ACTR10: variants seen among roughly 807,000 people sequenced by gnomAD.
ACTR10 encodes actin related protein 10, also known as actin-related protein 10.
A neutral mutation model predicts 56.2 loss-of-function variants in ACTR10; 43 were observed. The ratio of observed to expected loss-of-function variants is 0.77; its 90% confidence interval spans 0.60 to 0.99. ACTR10 has a LOEUF of 0.99. Among genes scored for constraint, ACTR10 ranks in the 50% least tolerant of loss-of-function variants. The pLI, the probability that ACTR10 is intolerant of heterozygous loss-of-function variation, is 0.00. For synonymous variants in ACTR10, 170 were observed against 176.3 expected, an observed-to-expected ratio of 0.96 and a Z score of 0.28; for missense variants, 466 against 507.8, an observed-to-expected ratio of 0.92 and a Z score of 0.79.
intron 1 of ACTR10, among the ~76,000 whole-genome samples, chr14:58,202,280 T>A (rs769653241): frequency 2.6e-5 from 4 of 151,846 alleles, no homozygotes; most frequent in Non-Finnish European, 5.9e-5. Flanking sequence ...CTGCTAAAAT[T>A]AACAACTAGG....
intron 10 of ACTR10, among the ~76,000 whole-genome samples, chr14:58,229,605 G>A (rs578189237): frequency 3.9e-4 from 59 of 151,092 alleles, no homozygotes; most frequent in Non-Finnish European, 7.5e-4. Flanking sequence ...GTGAATCCAG[G>A]AGGCGGAGCT....
Position 58,213,634 on chromosome 14 carries a change from T to G in ACTR10, c.454T>G (p.Tyr152Asp). 1 of 1,608,912 alleles carries G rather than the reference T, an allele frequency of 6.2e-7. No individual in the cohort carries two copies. The highest frequency in any genetic ancestry group is 1.3e-5 in the African/African-American group (1 of 74,918). The stretch of plus-strand genomic sequence containing the variant: ...AGTATCCTTGACTACTCTATAGATA[T>G]ATGAAGGAATCCCAGTTCTAAATTG... ...GYRESLVLPI[Y>D]EGIPVLNCWG... Residue 152 changes from tyrosine (Y) to aspartate (D), a missense_variant, in exon 6 of 13, where the codon TAT becomes GAT. Physicochemically the swap from Tyr to Asp is radical, Grantham distance 160. Coordinates refer to ENST00000254286, the MANE Select transcript of ACTR10 (RefSeq NM_018477.3).
In ACTR10 at chr14:58,211,924, A is replaced by G. The variant is rs1344372547; in HGVS notation, c.450+525A>G. 1.3e-4 allele frequency among the ~76,000 whole-genome samples: 19 copies of G among 149,920 alleles called. No individual in the cohort carries two copies. In the Admixed American group the frequency reaches 1.3e-3, roughly 10 times the overall value. On this transcript the variant is annotated intron_variant, in intron 5 of 12. Transcript: ENST00000254286. ...CACTGCACTCCAGCCTGGGCGACAG[A>G]GCGAGACTCTGTCTCAAAAAAAAAA...
At chr14:58,220,531 A>G (rs1003533267) in intron 8 of ACTR10, among the ~76,000 whole-genome samples, 2 of 152,168 alleles carry the variant, frequency 1.3e-5, no homozygotes, top group African/African-American at 4.8e-5. Context: ...CAGTAGTTCA[A>G]ATAATACAGA....
intron 1 of ACTR10, among the ~76,000 whole-genome samples, chr14:58,202,321 C>T (rs1888733142): frequency 6.6e-6 from 1 of 151,990 alleles, no homozygotes; most frequent in Non-Finnish European, 1.5e-5. Flanking sequence ...GTGGCCCACG[C>T]CTGTAATACC....
In ACTR10 at chr14:58,200,490, T is replaced by C. The variant is rs371641363; in HGVS notation, c.77+196T>C. 2.5e-4 allele frequency among the ~76,000 whole-genome samples: 38 copies of C among 152,270 alleles called. No individual in the cohort carries two copies. The East Asian group carries it at 5.8e-3, about 23-fold the overall frequency. ...GCGAATCCGAGGATCGGGGTCTGAC[T>C]CCCAGAGAGGCCCAGAAAGCTTCTG... On this transcript the variant is annotated intron_variant, in intron 1 of 12. Transcript: ENST00000254286.
rs1315599022 is a variant in ACTR10, at chr14:58,215,257, A to G, written c.571A>G (p.Lys191Glu). Residue 191 changes from lysine to glutamate, a missense_variant, in exon 7 of 13, where the codon AAA becomes GAA. Coordinates refer to ENST00000254286, the MANE Select transcript of ACTR10 (RefSeq NM_018477.3). ...EQCTVDTSVA[K>E]EQSLPSVMGS... Reference sequence around the variant, plus strand: ...ATGTACTGTTGACACAAGTGTTGCTAAAGAACAGAGCCTTCCCTCAGTGAT... The same window carrying G: ...ATGTACTGTTGACACAAGTGTTGCTGAAGAACAGAGCCTTCCCTCAGTGAT... 3 of 1,611,792 alleles carry G rather than the reference A, an allele frequency of 1.9e-6. No homozygotes were observed. Among genetic ancestry groups the G allele is most frequent in the East Asian group, 2.2e-5 (1 of 44,790 alleles).
At chr14:58,214,362 G>C (rs1889078456) in intron 6 of ACTR10, among the ~76,000 whole-genome samples, 2 of 151,044 alleles carry the variant, frequency 1.3e-5, no homozygotes, top group African/African-American at 4.9e-5. Flanking sequence ...CTTTTTTATA[G>C]CTGAATAGTA....
At chr14:58,213,550 C>A in intron 5 of ACTR10, 81 bp from the exon 6 acceptor site, 1 of 809,284 alleles carries the variant, frequency 1.2e-6, no homozygotes, top group Non-Finnish European at 1.9e-6. Context: ...ATATTTAGAA[C>A]AGTACTGCAG....
intron 8 of ACTR10, among the ~76,000 whole-genome samples, chr14:58,221,275 C>CT (rs1389153870): frequency 1.6e-5 from 2 of 121,976 alleles, no homozygotes; most frequent in Non-Finnish European, 3.5e-5. Context: ...GAGCGAGACT[C>CT]TGTCTAAAAA....
Position 58,235,310 on chromosome 14 carries a change from A to T in ACTR10, c.*759A>T, listed in dbSNP as rs896525210. The T allele has an allele frequency of 2.0e-5, 3 of 152,180 alleles. No individual in the cohort carries two copies. Among genetic ancestry groups the T allele is most frequent in the Non-Finnish European group, 4.4e-5 (3 of 68,034 alleles). 9.4% of individuals were successfully genotyped at this position (152,180 alleles called of 1,614,324 possible). On this transcript the variant is annotated 3_prime_UTR_variant, in exon 13 of 13. Transcript: ENST00000254286. ...TTTGGTACTTGGGTGTCCATATTAT[A>T]ATAATGTTGTTTTTCCAGAAATATA...
In ACTR10 at chr14:58,210,881, G is replaced by A. The variant is rs138158309; in HGVS notation, c.343-411G>A. Among the ~76,000 whole-genome samples the A allele has an allele frequency of 8.3e-3, 1,255 of 152,108 alleles. 23 individuals are homozygous for A. The highest frequency in any genetic ancestry group is 0.028 in the African/African-American group (1,170 of 41,508). On this transcript the variant is annotated intron_variant, in intron 4 of 12. Transcript: ENST00000254286. ...GTAGAGACAAGGTTTCACCATGTTG[G>A]TTAGGCTGGTTTCGAACTCCTGACC...
At chr14:58,221,875 G>T (rs1016627379) in intron 8 of ACTR10, among the ~76,000 whole-genome samples, 1 of 151,938 alleles carries the variant, frequency 6.6e-6, no homozygotes, top group Non-Finnish European at 1.5e-5. Context: ...CTAAGATTGC[G>T]CCACTGCACT....
chr14:58,218,431 A>G (rs971592373), intron 7 of ACTR10, among the ~76,000 whole-genome samples: 1 of 152,180 alleles, frequency 6.6e-6, no homozygotes, highest in South Asian at 2.1e-4. Context: ...TATACACCAT[A>G]TATGTACTAT....
intron 10 of ACTR10, among the ~76,000 whole-genome samples, chr14:58,228,681 CTTTTTTTTTT>C (rs35498207): frequency 1.2e-4 from 5 of 40,788 alleles, no homozygotes; most frequent in East Asian, 9.7e-4. Context: ...GCAAGACAGA[CTTTTTTTTTT>C]TTTTTTTTTT....
intron 4 of ACTR10, among the ~76,000 whole-genome samples, chr14:58,210,177 A>G (rs1001529155): frequency 6.6e-6 from 1 of 152,184 alleles, no homozygotes; most frequent in South Asian, 2.1e-4. Context: ...GAATACAGCC[A>G]TTATTTTGTC....
intron 8 of ACTR10, among the ~76,000 whole-genome samples, chr14:58,222,123 TATATATC>T (rs1889288707): frequency 6.6e-6 from 1 of 151,954 alleles, no homozygotes; most frequent in African/African-American, 2.4e-5. Flanking sequence ...TTGTGTATAA[TATATATC>T]ATATCAATAT....
At chr14:58,229,963 A>T (rs1376169642) in intron 10 of ACTR10, among the ~76,000 whole-genome samples, 2 of 152,164 alleles carry the variant, frequency 1.3e-5, no homozygotes, top group African/African-American at 4.8e-5. Context: ...TGATCCTTGT[A>T]TTATTTTAAA....
chr14:58,206,488 T>C (rs763514290), intron 2 of ACTR10, among the ~76,000 whole-genome samples: 82 of 152,180 alleles, frequency 5.4e-4, no homozygotes, highest in Non-Finnish European at 1.0e-3. Flanking sequence ...CGAACGAGTT[T>C]TTATCTTCAT....
Sources: allele counts gnomAD v4.1 joint callset (sites outside exome capture counted in the v4.1 genomes callset), GRCh38; gene constraint gnomAD v4.1.1; transcripts MANE v1.5; gene names NCBI Gene and HGNC (gene_info 2026-07-23, HGNC 2026-07-21).